Variants in SGMS1 observed in about 807,000 individuals in gnomAD.
SGMS1 encodes phosphatidylcholine:ceramide cholinephosphotransferase 1.
Under a neutral mutation model 46.2 loss-of-function variants are expected in SGMS1, and 13 were observed. The ratio of observed to expected loss-of-function variants is 0.28; its 90% CI spans 0.18 to 0.45. SGMS1 has a LOEUF of 0.45. Among genes scored for constraint, SGMS1 ranks in the 20% least tolerant of loss-of-function variants. The pLI is 1.00. For missense variants in SGMS1, 324 were observed against 519.9 expected (o/e 0.62, Z 3.66); for synonymous variants, 203 against 187.8 (o/e 1.08, Z -0.66).
chr10:50,513,445 A>C (rs1837774740), intron 3 of SGMS1, among the ~76,000 whole-genome samples: 1 of 151,820 alleles, frequency 6.6e-6, no homozygotes, highest in African/African-American at 2.4e-5. Context: ...TACCTTCAAC[A>C]CTTCCTCTCC....
intron 1 of SGMS1, among the ~76,000 whole-genome samples, chr10:50,604,442 A>G (rs535306182): frequency 6.6e-6 from 1 of 152,260 alleles, no homozygotes; most frequent in Non-Finnish European, 1.5e-5. Flanking sequence ...AGACTCCAAC[A>G]GCAAACAGGC....
At chr10:50,339,778 A>C (rs1167041380) in intron 7 of SGMS1, among the ~76,000 whole-genome samples, 1 of 152,244 alleles carries the variant, frequency 6.6e-6, no homozygotes, top group Non-Finnish European at 1.5e-5. Flanking sequence ...CTTACAATTT[A>C]GCAATGAAGG....
intron 2 of SGMS1, among the ~76,000 whole-genome samples, chr10:50,547,443 A>G (rs754393732): frequency 7.2e-5 from 11 of 152,230 alleles, no homozygotes; most frequent in African/African-American, 1.2e-4. Flanking sequence ...GAAAATCTAG[A>G]ATAAATGGAT....
chr10:50,579,436 A>C (rs1021008849), intron 2 of SGMS1, among the ~76,000 whole-genome samples: 5 of 152,176 alleles, frequency 3.3e-5, no homozygotes, highest in African/African-American at 9.6e-5. Context: ...GACCCCACCA[A>C]GGAATATTAT....
chr10:50,476,993 C>CCA (rs1837433446), intron 3 of SGMS1, among the ~76,000 whole-genome samples: 1 of 152,252 alleles, frequency 6.6e-6, no homozygotes. Flanking sequence ...GTTGGAGCCC[C>CCA]CACACAGAGT....
rs964882401 is a variant in SGMS1 at position 50,306,831 on chromosome 10, T to C, written c.*311A>G. 14 of 217,110 alleles carry C rather than the reference T, an allele frequency of 6.4e-5. No individual in the cohort carries two copies. The highest frequency in any genetic ancestry group is 4.5e-5 in the African/African-American group (2 of 44,050). 13.4% of individuals were successfully genotyped at this position (217,110 alleles called of 1,614,324 possible). A position where few individuals can be genotyped will look rare whatever the true frequency, so the allele number is the denominator to read the frequency against. On this transcript the variant is annotated 3_prime_UTR_variant, in exon 11 of 11. Coordinates refer to ENST00000361781, the MANE Select transcript of SGMS1 (RefSeq NM_147156.4). ...TGACTGGAAAGACCAGAACTTATGA[T>C]ATAAAAGCTTACATTTATGCTGCTG...
chr10:50,330,048 C>T (rs1847595126), intron 7 of SGMS1, among the ~76,000 whole-genome samples: 1 of 152,104 alleles, frequency 6.6e-6, no homozygotes, highest in African/African-American at 2.4e-5. Flanking sequence ...CAAGTACATG[C>T]TAGTATTTTA....
chr10:50,573,281 A>G (rs1352840193), intron 2 of SGMS1, among the ~76,000 whole-genome samples: 1 of 152,192 alleles, frequency 6.6e-6, no homozygotes, highest in Non-Finnish European at 1.5e-5. Context: ...ATGTAAAACT[A>G]TCTGTTTGCA....
chr10:50,407,796 G>A, intron 6 of SGMS1, among the ~76,000 whole-genome samples: 1 of 152,190 alleles, frequency 6.6e-6, no homozygotes, highest in East Asian at 1.9e-4. Context: ...ATATACCTTT[G>A]TTTGGCCTAA....
chr10:50,453,024 C>T (rs952734518), intron 5 of SGMS1, among the ~76,000 whole-genome samples: 1 of 152,106 alleles, frequency 6.6e-6, no homozygotes, highest in African/African-American at 2.4e-5. Flanking sequence ...AAAAATCTAC[C>T]TTCAGTCTAG....
intron 6 of SGMS1, among the ~76,000 whole-genome samples, chr10:50,432,597 A>G (rs1304164174): frequency 6.6e-6 from 1 of 152,238 alleles, no homozygotes; most frequent in Non-Finnish European, 1.5e-5. Flanking sequence ...GCAATAGGTA[A>G]GGAACTTGAG....
intron 1 of SGMS1, among the ~76,000 whole-genome samples, chr10:50,590,484 G>A (rs1022883888): frequency 6.6e-6 from 1 of 151,600 alleles, no homozygotes; most frequent in Admixed American, 6.5e-5. Flanking sequence ...GAATTCCTCT[G>A]TAAGTTTCTT....
intron 3 of SGMS1, among the ~76,000 whole-genome samples, chr10:50,511,901 G>GCTATT (rs1327972126): frequency 6.6e-6 from 1 of 152,068 alleles, no homozygotes; most frequent in Non-Finnish European, 1.5e-5. Context: ...TTTGTCCCAT[G>GCTATT]TCTCTCTCTC....
intron 5 of SGMS1, among the ~76,000 whole-genome samples, chr10:50,443,025 G>C (rs75405625): frequency 6.6e-6 from 1 of 152,206 alleles, no homozygotes; most frequent in South Asian, 2.1e-4. Flanking sequence ...AGTGTTCTAT[G>C]AGCAAAAATT....
intron 6 of SGMS1, among the ~76,000 whole-genome samples, chr10:50,347,806 G>A (rs541671734): frequency 1.3e-5 from 2 of 152,170 alleles, no homozygotes; most frequent in Non-Finnish European, 2.9e-5. Context: ...CCTCTCTGAT[G>A]AGAGGAAGAG....
At chr10:50,515,690 C>T (rs1837795691) in intron 3 of SGMS1, among the ~76,000 whole-genome samples, 1 of 152,192 alleles carries the variant, frequency 6.6e-6, no homozygotes, top group Non-Finnish European at 1.5e-5. Flanking sequence ...ACCTCCCCAG[C>T]TCCCCAGGTG....
chr10:50,443,960 G>T (rs919629911), intron 5 of SGMS1, among the ~76,000 whole-genome samples: 3 of 152,008 alleles, frequency 2.0e-5, no homozygotes, highest in Admixed American at 1.3e-4. Flanking sequence ...TTTACTAAGG[G>T]TGAATATTGT....
chr10:50,338,741 G>A (rs771581796), intron 7 of SGMS1, among the ~76,000 whole-genome samples: 3 of 150,372 alleles, frequency 2.0e-5, no homozygotes, highest in Non-Finnish European at 4.4e-5. Flanking sequence ...CTACTGCAAT[G>A]GCATTTTTTT....
chr10:50,479,336 T>C (rs562977421), intron 3 of SGMS1, among the ~76,000 whole-genome samples: 1 of 152,268 alleles, frequency 6.6e-6, no homozygotes, highest in South Asian at 2.1e-4. Flanking sequence ...GAATCATTCA[T>C]GCACTAACTC....
Sources: gnomAD v4.1 joint callset for allele counts (sites outside exome capture counted in the v4.1 genomes callset) on GRCh38, gnomAD v4.1.1 for gene constraint, MANE v1.5 for transcripts, NCBI Gene and HGNC (gene_info 2026-07-23, HGNC 2026-07-21) for gene names.